Variants in RTEL1 observed in about 807,000 individuals in gnomAD.
RTEL1 encodes the protein regulator of telomere length.
A neutral mutation model predicts 162.2 loss-of-function variants in RTEL1; 86 were observed. That is an observed-to-expected ratio of 0.53 (90% CI 0.45 to 0.63). The LOEUF (loss-of-function observed/expected upper bound fraction) is 0.63, where lower values mean the gene tolerates loss of function less well. Among genes scored for constraint, RTEL1 ranks in the 30% least tolerant of loss-of-function variants. The pLI, the probability that RTEL1 is intolerant of heterozygous loss-of-function variation, is 0.00. For synonymous variants in RTEL1, 958 were observed against 717.9 expected, an observed-to-expected ratio of 1.33 and a Z score of -5.35; for missense variants, 1,941 against 1,750.2, an observed-to-expected ratio of 1.11 and a Z score of -1.95.
intron 10 of RTEL1, 34 bp from the exon 11 acceptor site, chr20:63,678,111 T>C (rs1159503723): frequency 3.1e-6 from 5 of 1,614,050 alleles, no homozygotes; most frequent in Non-Finnish European, 4.2e-6. Context: ...ACGAGCGTGA[T>C]GCAGACTGCC....
At chr20:63,663,890 G>A (rs146195331) in intron 6 of RTEL1, among the ~76,000 whole-genome samples, 1,968 of 152,306 alleles carry the variant, frequency 0.013, 27 homozygotes, top group Middle Eastern at 0.02. Context: ...ACTGAGCCAG[G>A]TGGTCCCGCA....
chr20:63,685,817 C>T lies in RTEL1; in HGVS notation c.1293C>T (p.His431=). ...YKVHIHPDAG[H]RRTAQRSDAW... ...TGCACATCCATCCTGATGCTGGTCACCGGAGGACGGCTCAGCGGTCTGATG... is the reference window on the plus strand; with the variant it reads ...TGCACATCCATCCTGATGCTGGTCATCGGAGGACGGCTCAGCGGTCTGATG... Residue 431 remains histidine, a synonymous_variant, in exon 16 of 35, where the codon CAC becomes CAT. Transcript: ENST00000360203. 5 of 1,612,660 alleles carry T rather than the reference C, an allele frequency of 3.1e-6. No individual in the cohort carries two copies. Among genetic ancestry groups the T allele is most frequent in the Non-Finnish European group, 4.2e-6 (5 of 1,179,910 alleles).
At chr20:63,685,972 C>T (rs2090584302) in intron 16 of RTEL1, 100 bp downstream of exon 16, 1 of 1,158,488 alleles carries the variant, frequency 8.6e-7, no homozygotes, top group African/African-American at 1.5e-5. Flanking sequence ...ATCTCCTGCC[C>T]CCATGGGCCT....
Position 63,692,961 on chromosome 20 carries a change from C to T in RTEL1, c.2809C>T (p.Pro937Ser), listed in dbSNP as rs767785999. ...DFAALAACLG[P>S]LFAEDPKKHN... ...CGCCGCCCTGGCCGCCTGTCTCGGCCCCCTCTTTGCTGAGGACCCCAAGAA... is the reference window on the plus strand; with the variant it reads ...CGCCGCCCTGGCCGCCTGTCTCGGCTCCCTCTTTGCTGAGGACCCCAAGAA... Residue 937 changes from proline to serine, a missense_variant, in exon 29 of 35, where the codon CCC becomes TCC. Coordinates refer to ENST00000360203, the MANE Select transcript of RTEL1 (RefSeq NM_001283009.2). 6.2e-6 allele frequency: 10 copies of T among 1,612,660 alleles called. 1 individual carries two copies. The Admixed American group carries it at 6.7e-5, about 11-fold the overall frequency.
rs1362995330 is a variant in RTEL1 at position 63,661,956 on chromosome 20, A to G, written c.395+13A>G. ...ACACCTCCTACCGGTGGGTCAGACGAGTTTACACCTGTCTCGGGGTCCTCA... is the reference window on the plus strand; with the variant it reads ...ACACCTCCTACCGGTGGGTCAGACGGGTTTACACCTGTCTCGGGGTCCTCA... On this transcript the variant is annotated intron_variant, in intron 4 of 34. Coordinates refer to ENST00000360203, the MANE Select transcript of RTEL1 (RefSeq NM_001283009.2). This position sits in a 1 kb window ranked among gnomAD's most constrained non-coding sequence, Gnocchi z 5.1. The G allele has an allele frequency of 1.2e-6, 2 of 1,602,894 alleles. No homozygotes were observed. Among genetic ancestry groups the G allele is most frequent in the Non-Finnish European group, 1.7e-6 (2 of 1,170,122 alleles).
rs769533263 is a variant in RTEL1 at position 63,687,628 on chromosome 20, C to T, written c.1349-10C>T. 1.7e-5 allele frequency: 28 copies of T among 1,600,098 alleles called. No homozygotes were observed. The highest frequency in any genetic ancestry group is 3.4e-5 in the Admixed American group (2 of 59,076). ...ACACTCTGTGCCCTCTGCCGCCCCCCGCCCCACAGGGAAGGTGCTGAGCTA... is the reference window on the plus strand; with the variant it reads ...ACACTCTGTGCCCTCTGCCGCCCCCTGCCCCACAGGGAAGGTGCTGAGCTA... On this transcript the variant is annotated splice_polypyrimidine_tract_variant and intron_variant, in intron 16 of 34. Transcript: ENST00000360203.
In RTEL1 at chr20:63,687,746, C is replaced by T. The variant is rs1348236806; in HGVS notation, c.1457C>T (p.Ser486Phe). The T allele has an allele frequency of 6.3e-7, 1 of 1,582,756 alleles. No individual in the cohort carries two copies. Among genetic ancestry groups the T allele is most frequent in the Non-Finnish European group, 8.6e-7 (1 of 1,165,808 alleles). The change falls in exon 17 of 35, where the codon TCC (serine) becomes TTC (phenylalanine). Residue 486 changes from serine to phenylalanine, a missense_variant. Ser to Phe is a radical substitution (Grantham distance 155, BLOSUM62 -2). Transcript: ENST00000360203. The part of the protein sequence containing the change: ...ILTSGTLAPV[S>F]SFALEMQIPF... ...ACCAGCGGCACGCTGGCCCCGGTGT[C>T]CTCCTTTGCTCTGGAGATGCAGATG...
intron 8 of RTEL1, among the ~76,000 whole-genome samples, chr20:63,671,559 G>T (rs184895546): frequency 6.6e-6 from 1 of 151,502 alleles, no homozygotes; most frequent in African/African-American, 2.4e-5. Context: ...TCCACTCACT[G>T]CAAGCTCTGC....
intron 24 of RTEL1, 58 bp downstream of exon 24, chr20:63,689,923 C>T (rs1325791053): frequency 6.4e-7 from 1 of 1,556,068 alleles, no homozygotes; most frequent in Non-Finnish European, 8.7e-7. Flanking sequence ...CCCCACTGGG[C>T]CCCTGGACTC....
chr20:63,688,407 G>C, intron 20 of RTEL1, 21 bp downstream of exon 20: 1 of 1,611,288 alleles, frequency 6.2e-7, no homozygotes, highest in Non-Finnish European at 8.5e-7. Flanking sequence ...CCTGTGTTCT[G>C]GGCGGGGTGG....
At chr20:63,666,979 A>G (rs1209877090) in intron 7 of RTEL1, among the ~76,000 whole-genome samples, 1 of 151,552 alleles carries the variant, frequency 6.6e-6, no homozygotes, top group Admixed American at 6.6e-5. Flanking sequence ...AGCTGGGACT[A>G]CAGGTGCCCG....
intron 8 of RTEL1, among the ~76,000 whole-genome samples, chr20:63,669,046 C>A (rs1054025474): frequency 6.6e-6 from 1 of 152,090 alleles, no homozygotes; most frequent in African/African-American, 2.4e-5. Flanking sequence ...TGCAGTGGCA[C>A]CATCTCGGCT....
chr20:63,692,663 A>G (rs1420503412), intron 28 of RTEL1, 142 bp from the exon 29 acceptor site: 3 of 787,808 alleles, frequency 3.8e-6, no homozygotes, highest in Non-Finnish European at 6.1e-6. Flanking sequence ...ATGTCCATCC[A>G]GCCAGCCAGT....
chr20:63,695,302 CCT>C, intron 33 of RTEL1, 24 bp from the exon 34 acceptor site: 1 of 1,581,266 alleles, frequency 6.3e-7, no homozygotes, highest in Non-Finnish European at 8.6e-7. Flanking sequence ...CCCAGGCCCC[CCT>C]CAGACTCAAG....
chr20:63,688,270 C>T (rs367842083), intron 19 of RTEL1, 31 bp from the exon 20 acceptor site: 3 of 1,610,224 alleles, frequency 1.9e-6, no homozygotes, highest in Non-Finnish European at 2.5e-6. Context: ...ACATCCTGCC[C>T]CTGCCTTGAC....
rs772872062 is a variant in RTEL1, at chr20:63,691,764, C to T, written c.2579C>T (p.Ser860Phe). Residue 860 changes from serine (S) to phenylalanine (F), a missense_variant, in exon 28 of 35, where the codon TCC (serine) becomes TTC (phenylalanine). By Grantham distance (155) the Ser-to-Phe change is radical (BLOSUM62 -2). Coordinates refer to ENST00000360203, the MANE Select transcript of RTEL1 (RefSeq NM_001283009.2). ...CAGGCCCACAGCTGCTCCACCCTGT[C>T]CCTCCTGTCTGAGAAGAGGCCGGCA... ...EEQAHSCSTL[S>F]LLSEKRPAEE... is the part of the protein sequence containing the mutation. The T allele has an allele frequency of 2.1e-5, 34 of 1,612,352 alleles. No homozygotes were observed. The highest frequency in any genetic ancestry group is 1.2e-4 in the Admixed American group (7 of 59,986).
chr20:63,695,844 C>T lies in RTEL1; in HGVS notation c.3889C>T (p.Pro1297Ser), dbSNP rs2090967528. 6.3e-7 allele frequency: 1 copy of T among 1,592,478 alleles called. No individual in the cohort carries two copies. Among genetic ancestry groups the T allele is most frequent in the Non-Finnish European group, 8.5e-7 (1 of 1,171,252 alleles). ...GCAGAGCGTCATGCAGGTCTTCTGG[C>T]CAGAGCCCCAGTGAGTGCCCACGGA... ...RKQSVMQVFW[P>S]EPQ Residue 1297 changes from proline to serine, a missense_variant, in exon 35 of 35, where the codon CCA becomes TCA. By Grantham distance (74) the Pro-to-Ser change is moderately conservative. Coordinates refer to ENST00000360203, the MANE Select transcript of RTEL1 (RefSeq NM_001283009.2).
At chr20:63,685,738 C>A in intron 15 of RTEL1, 53 bp from the exon 16 acceptor site, 1 of 1,592,996 alleles carries the variant, frequency 6.3e-7, no homozygotes, top group South Asian at 1.1e-5. Context: ...AGGTAAGGGG[C>A]TGCCCCCAGG....
At chr20:63,671,495 T>C (rs1194599591) in intron 8 of RTEL1, among the ~76,000 whole-genome samples, 1 of 151,868 alleles carries the variant, frequency 6.6e-6, no homozygotes, top group African/African-American at 2.4e-5. Flanking sequence ...GAAATTTTTT[T>C]TTTTGAGACG....
Sources: gnomAD v4.1 joint callset for allele counts (sites outside exome capture counted in the v4.1 genomes callset) on GRCh38, gnomAD v4.1.1 for gene constraint, Gnocchi (gnomAD v3.1) non-coding constraint, MANE v1.5 for transcripts, NCBI Gene and HGNC (gene_info 2026-07-23, HGNC 2026-07-21) for gene names.